BAZ1A: variants seen among roughly 807,000 people sequenced by gnomAD.
BAZ1A encodes bromodomain adjacent to zinc finger domain protein 1A.
A neutral mutation model predicts 185.2 loss-of-function variants in BAZ1A; 50 were observed. The ratio of observed to expected loss-of-function variants is 0.27; its 90% CI spans 0.22 to 0.34. BAZ1A has a LOEUF of 0.34. BAZ1A is among the 10% of genes least tolerant of loss of function. The pLI, the probability that BAZ1A is intolerant of heterozygous loss-of-function variation, is 1.00. For synonymous variants in BAZ1A, 571 were observed against 615.6 expected, an observed-to-expected ratio of 0.93 and a Z score of 1.07; for missense variants, 1,356 against 1,839.9, an observed-to-expected ratio of 0.74 and a Z score of 4.81.
Position 34,874,419 on chromosome 14 carries a change from GGA to G in BAZ1A, c.113+71_113+72del, listed in dbSNP as rs970163867. ...CGCCAGAAGCCCAGGGCGAGGAAAA[GGA>G]GAGAGACAAAAGAGCGCTGCGGGGG... On this transcript the variant is annotated intron_variant, in intron 2 of 26. Coordinates refer to ENST00000360310, the MANE Select transcript of BAZ1A (RefSeq NM_013448.3). The surrounding 1 kb of genome is among the most constrained non-coding windows in gnomAD (Gnocchi z 4.7). The G allele has an allele frequency of 5.0e-6, 7 of 1,405,068 alleles. No individual in the cohort carries two copies. The highest frequency in any genetic ancestry group is 1.4e-5 in the African/African-American group (1 of 69,232). The allele number at this position is 1,405,068 out of a possible 1,614,324, so 87.0% of individuals were successfully genotyped here. A position where few individuals can be genotyped will look rare whatever the true frequency, so the allele number is the denominator to read the frequency against.
chr14:34,800,947 T>A, intron 8 of BAZ1A, 147 bp downstream of exon 8: 3 of 582,302 alleles, frequency 5.2e-6, no homozygotes, highest in South Asian at 5.0e-5. Context: ...AACAAACAAA[T>A]AAACAATAGT....
chr14:34,839,539 CAAAAAA>C (rs35964410), intron 3 of BAZ1A, among the ~76,000 whole-genome samples: 3 of 80,980 alleles, frequency 3.7e-5, no homozygotes, highest in African/African-American at 5.4e-5. Flanking sequence ...AACTATCTTT[CAAAAAA>C]AAAAAAAAAA....
In BAZ1A at chr14:34,802,856, G is replaced by C; in HGVS notation, c.859C>G (p.Gln287Glu). 6.2e-7 allele frequency: 1 copy of C among 1,612,090 alleles called. No individual in the cohort carries two copies. Among genetic ancestry groups the C allele is most frequent in the Non-Finnish European group, 8.5e-7 (1 of 1,178,878 alleles). The change falls in exon 7 of 27, where the codon CAA becomes GAA. Residue 287 changes from glutamine to glutamate, a missense_variant and splice_region_variant. This residue lies in a region of BAZ1A where 332 missense variants were observed against 395.3 expected (regional missense o/e 0.84). Coordinates refer to ENST00000360310, the MANE Select transcript of BAZ1A (RefSeq NM_013448.3). ...GRPPKRIHIS[Q>E]EDNVANKQTL... ...GTTTTAATCAATTCTGTACTTACTT[G>C]ACTAATATGTATTCGTTTGGGAGGT...
intron 12 of BAZ1A, among the ~76,000 whole-genome samples, chr14:34,791,148 A>AAAGAGAAGAGAAGAG (rs76324326): frequency 2.0e-4 from 30 of 151,550 alleles, no homozygotes; most frequent in South Asian, 4.2e-4. Context: ...AGAGAAGAGA[A>AAAGAGAAGAGAAGAG]AAGAGAAGAG....
intron 11 of BAZ1A, among the ~76,000 whole-genome samples, chr14:34,793,535 G>A (rs903937410): frequency 1.2e-4 from 18 of 152,148 alleles, no homozygotes; most frequent in Non-Finnish European, 5.9e-5. Flanking sequence ...TAGGACAGAC[G>A]CAGTGGCTCA....
At chr14:34,828,619 A>G (rs2042196535) in intron 3 of BAZ1A, 1 of 152,176 alleles carries the variant, frequency 6.6e-6, no homozygotes, top group Admixed American at 6.5e-5. Context: ...CATATCCTTC[A>G]TAATTGTTCA....
chr14:34,776,575 TGA>T (rs1223099083), intron 17 of BAZ1A, 60 bp from the exon 18 acceptor site: 21 of 1,414,852 alleles, frequency 1.5e-5, no homozygotes, highest in Non-Finnish European at 2.0e-5. Context: ...TAGAAAAATA[TGA>T]GATACAAAGT....
chr14:34,759,275 G>C (rs1289185076), intron 24 of BAZ1A, among the ~76,000 whole-genome samples: 10 of 143,526 alleles, frequency 7.0e-5, no homozygotes, highest in African/African-American at 2.3e-4. Context: ...CCGCCTCCTG[G>C]GTTCATGCCA....
intron 9 of BAZ1A, among the ~76,000 whole-genome samples, chr14:34,799,525 T>C (rs1881389456): frequency 6.6e-6 from 1 of 152,134 alleles, no homozygotes; most frequent in Non-Finnish European, 1.5e-5. Flanking sequence ...TAGAATTCTC[T>C]AAGGAATATG....
chr14:34,811,697 G>GA (rs1321985813), intron 4 of BAZ1A, among the ~76,000 whole-genome samples: 1 of 152,066 alleles, frequency 6.6e-6, no homozygotes, highest in East Asian at 1.9e-4. Flanking sequence ...AGCCAAAACA[G>GA]AAAAAAGCAC....
At chr14:34,783,264 C>G (rs1299088388) in intron 15 of BAZ1A, 32 bp from the exon 16 acceptor site, 8 of 1,292,106 alleles carry the variant, frequency 6.2e-6, no homozygotes, top group Non-Finnish European at 7.8e-6. Flanking sequence ...GGTAGTCTAT[C>G]TGATGCACAT....
At position 34,754,847 on chromosome 14, in the gene BAZ1A, T is replaced by A; in HGVS notation, c.4454A>T (p.Lys1485Met). The change falls in exon 26 of 27, where the codon AAG becomes ATG. Residue 1485 changes from lysine (K) to methionine (M), a missense_variant. This residue lies in a region of BAZ1A where 61 missense variants were observed against 117.9 expected (regional missense o/e 0.52). Coordinates refer to ENST00000360310, the MANE Select transcript of BAZ1A (RefSeq NM_013448.3). Reference sequence around the variant, plus strand: ...CTTACATGCTAATTTATATTCACACTTATTCACTTTTTCACGAATTATATT... The same window carrying A: ...CTTACATGCTAATTTATATTCACACATATTCACTTTTTCACGAATTATATT... ...ALNIIREKVN[K>M]CEYKLASEFI... is the part of the protein sequence containing the mutation. 5 of 1,599,460 alleles carry A rather than the reference T, an allele frequency of 3.1e-6. No individual in the cohort carries two copies. Among genetic ancestry groups the A allele is most frequent in the Non-Finnish European group, 4.3e-6 (5 of 1,171,038 alleles).
Position 34,784,367 on chromosome 14 carries a change from C to CCAAAAA in BAZ1A, c.1832-441_1832-440insTTTTTG, listed in dbSNP as rs1225939081. Among the ~76,000 whole-genome samples, 619 of 77,142 alleles carry CCAAAAA rather than the reference C, an allele frequency of 8.0e-3. 83 individuals are homozygous for CCAAAAA. The highest frequency in any genetic ancestry group is 0.016 in the Admixed American group (92 of 5,920). 50.6% of individuals were successfully genotyped at this position (77,142 alleles called of 152,430 possible). A position where few individuals can be genotyped will look rare whatever the true frequency, so the allele number is the denominator to read the frequency against. On this transcript the variant is annotated intron_variant, in intron 14 of 26. Coordinates refer to ENST00000360310, the MANE Select transcript of BAZ1A (RefSeq NM_013448.3). ...TGGGCAACTGAGTGAGACTCTGTCT[C>CCAAAAA]AAAAAAAAAAAAAAAAAAAAAAAAA...
chr14:34,868,530 G>A (rs767055503), intron 2 of BAZ1A, among the ~76,000 whole-genome samples: 2 of 152,302 alleles, frequency 1.3e-5, no homozygotes, highest in East Asian at 1.9e-4. Context: ...TAGGCCGGGT[G>A]CCGTGACTCA....
At chr14:34,821,481 G>A (rs573529331) in intron 4 of BAZ1A, among the ~76,000 whole-genome samples, 1 of 152,206 alleles carries the variant, frequency 6.6e-6, no homozygotes, top group East Asian at 1.9e-4. Context: ...AAAATTACCT[G>A]GAAGTCAATT....
intron 17 of BAZ1A, among the ~76,000 whole-genome samples, chr14:34,777,647 A>AG (rs931118580): frequency 6.6e-6 from 1 of 150,572 alleles, no homozygotes; most frequent in African/African-American, 2.4e-5. Flanking sequence ...CTGTCTCCAA[A>AG]AAAAAAAAAA....
At chr14:34,845,815 C>T (rs1048589989) in intron 3 of BAZ1A, among the ~76,000 whole-genome samples, 3 of 146,002 alleles carry the variant, frequency 2.1e-5, no homozygotes, top group Admixed American at 7.0e-5. Context: ...GAGCCGAGAT[C>T]GTGCCACTGC....
intron 24 of BAZ1A, among the ~76,000 whole-genome samples, chr14:34,759,184 T>TTTTTTTTTTTTTG (rs1340417461): frequency 0.1 from 11,155 of 107,566 alleles, 893 homozygotes; most frequent in Admixed American, 0.18. Context: ...TTTTTTTTTT[T>TTTTTTTTTTTTTG]TTTTTTTTTT....
intron 4 of BAZ1A, 68 bp downstream of exon 4, chr14:34,825,945 A>AT: frequency 1.4e-6 from 2 of 1,425,320 alleles, no homozygotes; most frequent in Non-Finnish European, 1.9e-6. Context: ...CTCAAAAAAA[A>AT]AGTTATTTCA....
Sources: allele counts gnomAD v4.1 joint callset (sites outside exome capture counted in the v4.1 genomes callset), GRCh38; gene constraint gnomAD v4.1.1; regional missense constraint gnomAD v4.1.1; non-coding constraint Gnocchi (gnomAD v3.1); transcripts MANE v1.5; gene names NCBI Gene and HGNC (gene_info 2026-07-23, HGNC 2026-07-21).